The following PCDHA2 variants were observed in gnomAD, a reference collection of about 807,000 sequenced individuals.
PCDHA2 encodes protocadherin alpha-2.
In PCDHA2, 58 loss-of-function variants were observed where a neutral mutation model predicts 66.0. The observed-to-expected ratio is 0.88, with a 90% confidence interval of 0.71 to 1.09. PCDHA2 has a LOEUF of 1.09. Among genes scored for constraint, PCDHA2 ranks in the 50% least tolerant of loss-of-function variants. The pLI is 0.00. For synonymous variants in PCDHA2, 634 were observed against 554.0 expected, an observed-to-expected ratio of 1.14 and a Z score of -2.03; for missense variants, 1,267 against 1,242.3, an observed-to-expected ratio of 1.02 and a Z score of -0.30.
chr5:141,004,682 T>G (rs1002761253), intron 3 of PCDHA2, among the ~76,000 whole-genome samples: 2 of 152,184 alleles, frequency 1.3e-5, no homozygotes, highest in South Asian at 4.1e-4. Flanking sequence ...TGTGGAGTGG[T>G]GCTGAAACCC....
chr5:140,818,630 A>G (rs980118691), intron 1 of PCDHA2, among the ~76,000 whole-genome samples: 2 of 152,196 alleles, frequency 1.3e-5, no homozygotes, highest in Non-Finnish European at 2.9e-5. Flanking sequence ...TGAGCCCAGG[A>G]GTTCAAGATG....
At chr5:140,893,137 C>T (rs2153441262) in intron 1 of PCDHA2, among the ~76,000 whole-genome samples, 1 of 152,298 alleles carries the variant, frequency 6.6e-6, no homozygotes, top group South Asian at 2.1e-4. Context: ...TTTCTTTATC[C>T]ACTCATCTGT....
At chr5:140,850,526 G>A (rs2150487958) in intron 1 of PCDHA2, 8 of 1,598,220 alleles carry the variant, frequency 5.0e-6, no homozygotes, top group Admixed American at 1.7e-5. Context: ...AGGCGCCAAA[G>A]TCATCGTCGC....
Position 140,884,117 on chromosome 5 carries a change from G to A in PCDHA2, c.2388+86765G>A, listed in dbSNP as rs782383006. 1 of 1,613,298 alleles carries A rather than the reference G, an allele frequency of 6.2e-7. No homozygotes were observed. The highest frequency in any genetic ancestry group is 1.7e-5 in the Admixed American group (1 of 60,006). On this transcript the variant is annotated intron_variant, in intron 1 of 3. Transcript: ENST00000526136. ...GTATGAATTGCAGCTGGCGGCGGTC[G>A]GCGCGCGCATCCCGTTCCGCGTGGG...
intron 1 of PCDHA2, among the ~76,000 whole-genome samples, chr5:140,910,488 A>G (rs1195141583): frequency 2.0e-5 from 3 of 152,232 alleles, no homozygotes; most frequent in African/African-American, 7.2e-5. Flanking sequence ...CATACAGAGA[A>G]GAGCAATCAC....
chr5:140,830,152 G>C (rs2150182031), intron 1 of PCDHA2: 3 of 1,613,316 alleles, frequency 1.9e-6, no homozygotes, highest in East Asian at 4.5e-5. Flanking sequence ...TGGGCGCCGC[G>C]GGCCCAGAGG....
At chr5:140,797,777 C>T (rs1452103300) in intron 1 of PCDHA2, among the ~76,000 whole-genome samples, 1 of 152,190 alleles carries the variant, frequency 6.6e-6, no homozygotes, top group East Asian at 1.9e-4. Flanking sequence ...TAACCTATAT[C>T]CTGGACATTT....
At chr5:140,940,894 T>G (rs1364224332) in intron 1 of PCDHA2, among the ~76,000 whole-genome samples, 1 of 152,240 alleles carries the variant, frequency 6.6e-6, no homozygotes, top group Non-Finnish European at 1.5e-5. Flanking sequence ...AGTAAACCAC[T>G]TTAAATCAAG....
At chr5:140,996,811 A>G (rs2097746792) in intron 3 of PCDHA2, among the ~76,000 whole-genome samples, 1 of 152,212 alleles carries the variant, frequency 6.6e-6, no homozygotes, top group African/African-American at 2.4e-5. Flanking sequence ...ATGCTTTCCA[A>G]AAGTAACCAC....
intron 1 of PCDHA2, among the ~76,000 whole-genome samples, chr5:140,887,165 C>T (rs1451761224): frequency 1.3e-5 from 2 of 151,306 alleles, no homozygotes; most frequent in Non-Finnish European, 2.9e-5. Flanking sequence ...GGCGTGATCT[C>T]GGCTCACTGC....
chr5:140,808,555 G>A, intron 1 of PCDHA2: 1 of 1,614,096 alleles, frequency 6.2e-7, no homozygotes, highest in Non-Finnish European at 8.5e-7. Context: ...CGGCGTTCGC[G>A]CAGCCCGAGT....
chr5:140,979,882 A>C (rs1554241172), intron 2 of PCDHA2, among the ~76,000 whole-genome samples: 1 of 152,274 alleles, frequency 6.6e-6, no homozygotes, highest in Non-Finnish European at 1.5e-5. Context: ...TATCAAGTGA[A>C]TATTCACCAA....
At chr5:140,801,289 T>C (rs1554121363) in intron 1 of PCDHA2, 1 of 1,613,496 alleles carries the variant, frequency 6.2e-7, no homozygotes, top group African/African-American at 1.3e-5. Flanking sequence ...AGCGGCCAGC[T>C]CCACTACTCC....
chr5:140,828,235 C>A, intron 1 of PCDHA2: 1 of 1,613,970 alleles, frequency 6.2e-7, no homozygotes, highest in East Asian at 2.2e-5. Context: ...TGGGCCGGAT[C>A]GCGCAGGACC....
chr5:140,838,406 G>T (rs1775717074), intron 1 of PCDHA2, among the ~76,000 whole-genome samples: 1 of 151,394 alleles, frequency 6.6e-6, no homozygotes, highest in Admixed American at 6.6e-5. Flanking sequence ...TTACAGGAGT[G>T]AGCCACCGCA....
intron 1 of PCDHA2, among the ~76,000 whole-genome samples, chr5:140,838,160 CTG>C (rs1554136900): frequency 6.7e-6 from 1 of 149,878 alleles, no homozygotes; most frequent in African/African-American, 2.5e-5. Context: ...GTCGCCCTCT[CTG>C]GAGTGCAGTG....
At chr5:141,005,192 TTTCA>T (rs1554259924) in intron 3 of PCDHA2, among the ~76,000 whole-genome samples, 1 of 152,220 alleles carries the variant, frequency 6.6e-6, no homozygotes, top group African/African-American at 2.4e-5. Context: ...ACATCAGTCC[TTTCA>T]TTCATTCATC....
chr5:140,889,037 A>G (rs2062077417), intron 1 of PCDHA2, among the ~76,000 whole-genome samples: 1 of 151,994 alleles, frequency 6.6e-6, no homozygotes, highest in Non-Finnish European at 1.5e-5. Context: ...CCGTAATTTG[A>G]TTATAATTTA....
intron 1 of PCDHA2, among the ~76,000 whole-genome samples, chr5:140,960,597 C>G (rs1315375637): frequency 1.3e-5 from 2 of 152,092 alleles, no homozygotes; most frequent in Non-Finnish European, 2.9e-5. Flanking sequence ...ATTCAAGGTA[C>G]TTCAACAATA....
Sources: gnomAD v4.1 joint callset for allele counts (sites outside exome capture counted in the v4.1 genomes callset) on GRCh38, gnomAD v4.1.1 for gene constraint, MANE v1.5 for transcripts, NCBI Gene and HGNC (gene_info 2026-07-23, HGNC 2026-07-21) for gene names.